Variants in PCMT1 observed in about 807,000 individuals in gnomAD.
PCMT1 encodes the protein protein-L-isoaspartate (D-aspartate) O-methyltransferase.
A neutral mutation model predicts 29.2 loss-of-function variants in PCMT1; 9 were observed. That is an observed-to-expected ratio of 0.31 (90% confidence interval 0.19 to 0.54). PCMT1 has a LOEUF of 0.54. PCMT1 is among the 20% of genes least tolerant of loss of function. The pLI, the probability that PCMT1 is intolerant of heterozygous loss-of-function variation, is 0.95. For missense variants in PCMT1, 184 were observed against 282.2 expected (o/e 0.65, Z 2.49); for synonymous variants, 98 against 97.5 (o/e 1.00, Z -0.03).
In PCMT1 at chr6:149,769,734, G is replaced by C. The variant is rs546455234; in HGVS notation, c.56-1428G>C. Among the ~76,000 whole-genome samples the C allele has an allele frequency of 7.4e-5, 11 of 149,030 alleles. No individual in the cohort carries two copies. The South Asian group carries it at 1.9e-3, about 26-fold the overall frequency. Reference sequence around the variant, plus strand: ...CCACCTCAGCCTCCTGAGTATTTATGACTACATGGTTGTGCCATGATCCCC... The same window carrying C: ...CCACCTCAGCCTCCTGAGTATTTATCACTACATGGTTGTGCCATGATCCCC... On this transcript the variant is annotated intron_variant, in intron 1 of 7. Transcript: ENST00000464889.
At chr6:149,757,985 T>C (rs1786576035) in intron 1 of PCMT1, among the ~76,000 whole-genome samples, 1 of 151,952 alleles carries the variant, frequency 6.6e-6, no homozygotes, top group East Asian at 1.9e-4. Flanking sequence ...CCGGTTTAAG[T>C]GATTCTCGTG....
intron 7 of PCMT1, among the ~76,000 whole-genome samples, chr6:149,805,720 G>C (rs1026852163): frequency 1.3e-5 from 2 of 149,564 alleles, no homozygotes; most frequent in African/African-American, 4.9e-5. Flanking sequence ...GGCGGATCAC[G>C]AGGTCAGGAG....
intron 7 of PCMT1, among the ~76,000 whole-genome samples, chr6:149,802,729 G>A (rs1398385791): frequency 6.6e-6 from 1 of 151,210 alleles, no homozygotes; most frequent in Non-Finnish European, 1.5e-5. Flanking sequence ...TATTTTTATA[G>A]CACTGGATGG....
chr6:149,771,062 CTCTT>C (rs1787302352), intron 1 of PCMT1, 96 bp from the exon 2 acceptor site: 1 of 595,620 alleles, frequency 1.7e-6, no homozygotes, highest in Admixed American at 3.3e-5. Context: ...CAATCATTCT[CTCTT>C]CCAGTTCAGT....
At chr6:149,757,774 G>C (rs942124086) in intron 1 of PCMT1, among the ~76,000 whole-genome samples, 9 of 152,284 alleles carry the variant, frequency 5.9e-5, no homozygotes, top group African/African-American at 1.9e-4. Context: ...AAGGGATTTT[G>C]TCATCAGATT....
chr6:149,780,629 G>A (rs74743488), intron 3 of PCMT1, among the ~76,000 whole-genome samples: 1,580 of 152,264 alleles, frequency 0.01, 13 homozygotes, highest in Middle Eastern at 0.024. Flanking sequence ...TTTTATGACT[G>A]ACTTTTTAAA....
chr6:149,810,688 G>A lies in PCMT1; in HGVS notation c.*110G>A. ...TGGATTGCTCATCTCAGTCCTCAAA[G>A]CTTTTTGAAAACCAACACCATCACA... is the stretch of plus-strand genomic sequence containing the variant. On this transcript the variant is annotated 3_prime_UTR_variant, in exon 8 of 8. Coordinates refer to ENST00000464889, the MANE Select transcript of PCMT1 (RefSeq NM_001360452.2). 2 of 1,384,754 alleles carry A rather than the reference G, an allele frequency of 1.4e-6. No individual in the cohort carries two copies. The highest frequency in any genetic ancestry group is 1.0e-6 in the Non-Finnish European group (1 of 999,764). 85.8% of individuals were successfully genotyped at this position (1,384,754 alleles called of 1,614,324 possible).
At chr6:149,790,133 T>C in intron 4 of PCMT1, 75 bp downstream of exon 4, 1 of 801,092 alleles carries the variant, frequency 1.2e-6, no homozygotes, top group South Asian at 1.8e-5. Context: ...TTTTAACTAG[T>C]GGTTTTCATG....
At chr6:149,783,584 A>G (rs1308605615) in intron 3 of PCMT1, among the ~76,000 whole-genome samples, 2 of 152,204 alleles carry the variant, frequency 1.3e-5, no homozygotes, top group African/African-American at 2.4e-5. Flanking sequence ...GGAGTTGCAT[A>G]GCAAGACTTG....
At chr6:149,786,026 C>T (rs1231978573) in intron 3 of PCMT1, among the ~76,000 whole-genome samples, 8 of 147,986 alleles carry the variant, frequency 5.4e-5, no homozygotes, top group East Asian at 2.1e-4. Context: ...GGCGGCTGGC[C>T]GGGCGGGGGG....
At chr6:149,799,408 G>GT (rs1788733801) in intron 6 of PCMT1, among the ~76,000 whole-genome samples, 1 of 152,272 alleles carries the variant, frequency 6.6e-6, no homozygotes, top group Admixed American at 6.5e-5. Context: ...ATTAGAATTC[G>GT]TAAGTCAGAG....
chr6:149,804,356 C>G (rs1026963720), intron 7 of PCMT1, among the ~76,000 whole-genome samples: 1 of 151,634 alleles, frequency 6.6e-6, no homozygotes, highest in Non-Finnish European at 1.5e-5. Context: ...GAACATCTTG[C>G]CTATAATTTA....
At chr6:149,764,186 A>G (rs1315631516) in intron 1 of PCMT1, among the ~76,000 whole-genome samples, 1 of 152,194 alleles carries the variant, frequency 6.6e-6, no homozygotes, top group Admixed American at 6.5e-5. Flanking sequence ...CTATTTGAAT[A>G]TGTTAGTAGC....
chr6:149,760,538 G>A (rs1786693194), intron 1 of PCMT1, among the ~76,000 whole-genome samples: 1 of 152,050 alleles, frequency 6.6e-6, no homozygotes, highest in South Asian at 2.1e-4. Context: ...AGGAGAAAAA[G>A]GAAAACACCC....
chr6:149,790,048 T>G lies in PCMT1; in HGVS notation c.287T>G (p.Phe96Cys), dbSNP rs1472508233. ...GGAAGTGGAATCCTTACTGCATGTTTTGCACGTATGGTAAGAGTTTTATTT... is the reference window on the plus strand; with the variant it reads ...GGAAGTGGAATCCTTACTGCATGTTGTGCACGTATGGTAAGAGTTTTATTT... ...GSGSGILTAC[F>C]ARMVGCTGKV... The change falls in exon 4 of 8, where the codon TTT becomes TGT. Residue 96 changes from phenylalanine (F) to cysteine (C), a missense_variant. Transcript: ENST00000464889. 6.3e-7 allele frequency: 1 copy of G among 1,595,612 alleles called. No individual in the cohort carries two copies. Among genetic ancestry groups the G allele is most frequent in the East Asian group, 2.2e-5 (1 of 44,746 alleles).
At chr6:149,762,144 C>T (rs542251740) in intron 1 of PCMT1, among the ~76,000 whole-genome samples, 3 of 152,056 alleles carry the variant, frequency 2.0e-5, no homozygotes, top group South Asian at 2.1e-4. Context: ...TTTTCACCCA[C>T]GCTTCAAGTT....
chr6:149,804,178 T>C (rs1775940697), intron 7 of PCMT1, among the ~76,000 whole-genome samples: 1 of 152,020 alleles, frequency 6.6e-6, no homozygotes, highest in African/African-American at 2.4e-5. Flanking sequence ...AACTAAAACC[T>C]TCCTTCACTT....
intron 6 of PCMT1, among the ~76,000 whole-genome samples, chr6:149,800,610 G>A (rs192698190): frequency 2.6e-5 from 4 of 152,296 alleles, no homozygotes; most frequent in Admixed American, 2.6e-4. Flanking sequence ...GACTGTAAGA[G>A]CTTCCATTGA....
At chr6:149,780,133 G>A (rs1471349695) in intron 3 of PCMT1, among the ~76,000 whole-genome samples, 4 of 152,022 alleles carry the variant, frequency 2.6e-5, no homozygotes, top group Admixed American at 1.3e-4. Flanking sequence ...GAGCCCAGGA[G>A]TTTGAGACCA....
Sources: allele counts gnomAD v4.1 joint callset (sites outside exome capture counted in the v4.1 genomes callset), GRCh38; gene constraint gnomAD v4.1.1; transcripts MANE v1.5; gene names NCBI Gene and HGNC (gene_info 2026-07-23, HGNC 2026-07-21).